Variants in ZC3H12B observed in about 807,000 individuals in gnomAD.
The protein encoded by ZC3H12B is probable ribonuclease ZC3H12B.
Under a neutral mutation model 43.9 loss-of-function variants are expected in ZC3H12B, and 7 were observed. The ratio of observed to expected loss-of-function variants is 0.16; its 90% CI spans 0.09 to 0.30. The LOEUF is 0.30. Ranked by LOEUF, ZC3H12B falls within the 10% of genes least tolerant of loss-of-function variation. The probability of loss-of-function intolerance (pLI) is 1.00; values close to 1 mark genes in which losing one functional copy is unlikely to be tolerated. For missense variants in ZC3H12B, 475 were observed against 670.2 expected (o/e 0.71, Z 3.22); for synonymous variants, 222 against 241.7 (o/e 0.92, Z 0.76).
the ZC3H12B span, among the ~76,000 whole-genome samples, chrX:65,218,697 C>A: frequency 7.6e-4 from 85 of 111,236 alleles, no homozygotes; most frequent in Non-Finnish European, 1.5e-3. Context: ...CTGAGACTCA[C>A]CTAACCCTGC....
upstream of ZC3H12B, among the ~76,000 whole-genome samples, chrX:65,363,395 A>C (rs2066129900): frequency 8.9e-6 from 1 of 111,747 alleles, no homozygotes; most frequent in South Asian, 3.7e-4. Flanking sequence ...CCTTCTACAA[A>C]ACAACAACTC....
chrX:65,044,703 G>GACAC, the ZC3H12B span, among the ~76,000 whole-genome samples: 15 of 111,001 alleles, frequency 1.4e-4, no homozygotes, highest in Admixed American at 1.3e-3. Flanking sequence ...TGAAGATATA[G>GACAC]ACACACACAC....
the ZC3H12B span, among the ~76,000 whole-genome samples, chrX:65,084,079 C>T: frequency 2.7e-5 from 3 of 111,571 alleles, no homozygotes; most frequent in East Asian, 8.4e-4. Flanking sequence ...AAACTAGACC[C>T]CTACTCTTGC....
At chrX:65,424,343 T>C (rs759742024) in intron 3 of ZC3H12B, among the ~76,000 whole-genome samples, 1 of 112,438 alleles carries the variant, frequency 8.9e-6, no homozygotes, top group East Asian at 2.8e-4. Flanking sequence ...ATTTTTTAAG[T>C]TCCTTGTATA....
intron 3 of ZC3H12B, among the ~76,000 whole-genome samples, chrX:65,407,850 C>T (rs1212811640): frequency 8.8e-6 from 1 of 113,388 alleles, no homozygotes; most frequent in Non-Finnish European, 1.9e-5. Context: ...GGGCCTGGGG[C>T]GCCCACTAAT....
chrX:65,306,788 T>C, the ZC3H12B span, among the ~76,000 whole-genome samples: 2 of 112,318 alleles, frequency 1.8e-5, no homozygotes, highest in African/African-American at 6.5e-5. Flanking sequence ...TATTAACAGG[T>C]GAGTGAATAA....
the ZC3H12B span, among the ~76,000 whole-genome samples, chrX:65,221,351 A>C: frequency 1.8e-5 from 2 of 111,790 alleles, no homozygotes; most frequent in Admixed American, 9.6e-5. Context: ...TTAGAGCCGA[A>C]CTAAGTGAAA....
chrX:65,467,841 C>A (rs985964394), intron 3 of ZC3H12B, among the ~76,000 whole-genome samples: 1 of 111,987 alleles, frequency 8.9e-6, no homozygotes, highest in Non-Finnish European at 1.9e-5. Context: ...CCTTGTAGTT[C>A]TGAATATTAG....
chrX:65,449,821 G>A (rs774955961), intron 3 of ZC3H12B, among the ~76,000 whole-genome samples: 21 of 110,536 alleles, frequency 1.9e-4, no homozygotes, highest in African/African-American at 5.6e-4. Context: ...AAAGGCATAT[G>A]GAGTGATATA....
the ZC3H12B span, among the ~76,000 whole-genome samples, chrX:65,122,084 G>A: frequency 9.0e-6 from 1 of 111,064 alleles, no homozygotes. Flanking sequence ...GTCAGTTTTG[G>A]AATAAGTGTG....
At chrX:65,118,696 A>T in the ZC3H12B span, among the ~76,000 whole-genome samples, 1 of 109,258 alleles carries the variant, frequency 9.2e-6, no homozygotes, top group African/African-American at 3.3e-5. Context: ...ACATGTGCAC[A>T]ACCTGCAGGT....
the ZC3H12B span, among the ~76,000 whole-genome samples, chrX:65,118,232 T>A: frequency 8.9e-6 from 1 of 111,910 alleles, no homozygotes; most frequent in Non-Finnish European, 1.9e-5. Context: ...TCCTCTTTGA[T>A]TTCCTTGAGC....
the ZC3H12B span, among the ~76,000 whole-genome samples, chrX:65,035,297 T>A: frequency 1.8e-5 from 2 of 111,655 alleles, no homozygotes; most frequent in African/African-American, 6.5e-5. Context: ...ACTCGCTCGG[T>A]TCTAGTGCGC....
chrX:65,043,179 A>T, the ZC3H12B span, among the ~76,000 whole-genome samples: 1 of 111,309 alleles, frequency 9.0e-6, no homozygotes, highest in Non-Finnish European at 1.9e-5. Context: ...AAGTGAAGGG[A>T]CATACAATTC....
At chrX:65,200,050 T>C in the ZC3H12B span, among the ~76,000 whole-genome samples, 9 of 111,555 alleles carry the variant, frequency 8.1e-5, no homozygotes, top group Non-Finnish European at 1.5e-4. Context: ...TCTACAATGG[T>C]TGAACTAATT....
chrX:65,450,841 GTATA>G (rs202057372), intron 3 of ZC3H12B, among the ~76,000 whole-genome samples: 1 of 73,420 alleles, frequency 1.4e-5, no homozygotes, highest in East Asian at 4.4e-4. Context: ...GTGTATATAT[GTATA>G]TATATACATA....
the ZC3H12B span, among the ~76,000 whole-genome samples, chrX:65,070,563 G>A: frequency 9.0e-6 from 1 of 110,604 alleles, no homozygotes; most frequent in Non-Finnish European, 1.9e-5. Flanking sequence ...TTTTTGATGT[G>A]GTGTTTAGTG....
rs184997443 is a variant in ZC3H12B, at chrX:65,489,503, G to A, written c.608+94G>A. Reference sequence around the variant, plus strand: ...TGCAAATCATTATAAGAGGAGCATGGCTATTGACTGTGGCGTGTGTTTCTG... The same window carrying A: ...TGCAAATCATTATAAGAGGAGCATGACTATTGACTGTGGCGTGTGTTTCTG... On this transcript the variant is annotated intron_variant, in intron 1 of 4. Coordinates refer to ENST00000338957, the Ensembl canonical transcript of ZC3H12B. 37 of 999,419 alleles carry A rather than the reference G, an allele frequency of 3.7e-5. No homozygotes were observed. The African/African-American group carries it at 6.8e-4, about 18-fold the overall frequency. The allele number at this position is 999,419 out of a possible 1,213,427, so 82.4% of individuals were successfully genotyped here. A position where few individuals can be genotyped will look rare whatever the true frequency, so the allele number is the denominator to read the frequency against.
the ZC3H12B span, among the ~76,000 whole-genome samples, chrX:65,145,635 G>T: frequency 9.0e-6 from 1 of 111,639 alleles, no homozygotes; most frequent in Non-Finnish European, 1.9e-5. Flanking sequence ...GTGTTTCCAG[G>T]ATTGACTTCA....
Sources: gnomAD v4.1 joint callset for allele counts (sites outside exome capture counted in the v4.1 genomes callset) on GRCh38, gnomAD v4.1.1 for gene constraint, MANE v1.5 for transcripts, NCBI Gene and HGNC (gene_info 2026-07-23, HGNC 2026-07-21) for gene names.